Variants in RFC1 observed in about 807,000 individuals in gnomAD.
RFC1 encodes the protein replication factor C subunit 1.
A neutral mutation model predicts 137.4 loss-of-function variants in RFC1; 37 were observed. The observed-to-expected ratio is 0.27, with a 90% CI of 0.21 to 0.35. RFC1 has a LOEUF of 0.35. Among genes scored for constraint, RFC1 ranks in the 10% least tolerant of loss-of-function variants. The pLI, the probability that RFC1 is intolerant of heterozygous loss-of-function variation, is 1.00. For synonymous variants in RFC1, 429 were observed against 455.7 expected, an observed-to-expected ratio of 0.94 and a Z score of 0.75; for missense variants, 1,205 against 1,358.5, an observed-to-expected ratio of 0.89 and a Z score of 1.78.
In RFC1 at chr4:39,302,799, G is replaced by A. The variant is rs1241292836; in HGVS notation, c.2278C>T (p.Arg760Cys). The A allele has an allele frequency of 3.1e-6, 5 of 1,605,226 alleles. No individual in the cohort carries two copies. The highest frequency in any genetic ancestry group is 4.5e-5 in the East Asian group (2 of 44,830). Residue 760 changes from arginine to cysteine, a missense_variant, in exon 17 of 25, where the codon CGC becomes TGC. Transcript: ENST00000349703. ...TCAAAACAATAATGAACCAGAGAGC[G>A]AATCTTGGGATGATTTCTATCATTG... ...MCNDRNHPKIRSLVHYCFDLR... is the reference protein window; with the variant it reads ...MCNDRNHPKICSLVHYCFDLR...
In RFC1 at chr4:39,302,576, G is replaced by A; in HGVS notation, c.2360C>T (p.Ala787Val). 2 of 1,609,374 alleles carry A rather than the reference G, an allele frequency of 1.2e-6. No individual in the cohort carries two copies. The highest frequency in any genetic ancestry group is 1.7e-6 in the Non-Finnish European group (2 of 1,176,546). The change falls in exon 18 of 25, where the codon GCA becomes GTA. Residue 787 changes from alanine to valine, a missense_variant. Transcript: ENST00000349703. ...EQIKGAMMSI[A>V]FKEGLKIPPP... is the part of the protein sequence containing the mutation. ...GGGAATCTTTAAACCTTCTTTAAAT[G>A]CAATAGACATCATAGCACCCTGAAA...
chr4:39,345,234 C>A (rs1430203077), intron 3 of RFC1, among the ~76,000 whole-genome samples, 167 bp downstream of exon 3: 1 of 152,092 alleles, frequency 6.6e-6, no homozygotes, highest in African/African-American at 2.4e-5. Context: ...AGGCTGGTCT[C>A]GAACTCCTGA....
intron 4 of RFC1, among the ~76,000 whole-genome samples, chr4:39,327,968 CA>C (rs1224272204): frequency 6.6e-6 from 1 of 151,902 alleles, no homozygotes; most frequent in South Asian, 2.1e-4. Context: ...TCCTTCTCTT[CA>C]AAAAAATTAA....
At position 39,342,403 on chromosome 4, in the gene RFC1, T is replaced by A; in HGVS notation, c.273A>T (p.Val91=). The change falls in exon 4 of 25, where the codon GTA becomes GTT. Residue 91 remains valine (V), a synonymous_variant. Transcript: ENST00000349703. ...NAKKPPEKLP[V]SSKPGKISRQ... The stretch of plus-strand genomic sequence containing the variant: ...GTGAAATTTTACCAGGTTTAGAAGA[T>A]ACTGGCAGTTTTTCTGGTGGCTTTT... 3 of 1,613,644 alleles carry A rather than the reference T, an allele frequency of 1.9e-6. No homozygotes were observed. In the South Asian group the frequency reaches 3.3e-5, roughly 18 times the overall value.
At chr4:39,317,059 AC>A (rs1288107872) in intron 9 of RFC1, 37 bp from the exon 10 acceptor site, 2 of 1,347,744 alleles carry the variant, frequency 1.5e-6, no homozygotes, top group African/African-American at 1.4e-5. Context: ...ACAAAGTCAT[AC>A]AGAATTCATG....
chr4:39,356,539 A>G (rs1192571312), intron 1 of RFC1, among the ~76,000 whole-genome samples: 1 of 152,250 alleles, frequency 6.6e-6, no homozygotes, highest in African/African-American at 2.4e-5. Context: ...ATGTATTAAA[A>G]GAATCTTTTA....
At chr4:39,309,319 T>C (rs972884251) in intron 12 of RFC1, among the ~76,000 whole-genome samples, 3 of 152,122 alleles carry the variant, frequency 2.0e-5, no homozygotes, top group African/African-American at 7.2e-5. Context: ...CAAGGTACAG[T>C]GTTGAGATTT....
At chr4:39,344,643 T>C (rs1250634064) in intron 3 of RFC1, among the ~76,000 whole-genome samples, 1 of 152,104 alleles carries the variant, frequency 6.6e-6, no homozygotes, top group Non-Finnish European at 1.5e-5. Context: ...AAAAATTAGC[T>C]AGATGTGGTG....
chr4:39,358,408 G>A (rs1310745319), intron 1 of RFC1, among the ~76,000 whole-genome samples: 2 of 152,196 alleles, frequency 1.3e-5, no homozygotes, highest in Non-Finnish European at 2.9e-5. Flanking sequence ...TGCGAGAGAT[G>A]TTTTTATACC....
At chr4:39,365,775 A>AT (rs1242726289) in intron 1 of RFC1, among the ~76,000 whole-genome samples, 1 of 152,174 alleles carries the variant, frequency 6.6e-6, no homozygotes, top group Non-Finnish European at 1.5e-5. Flanking sequence ...TGAGCTGTTA[A>AT]TGATAAAAGT....
chr4:39,345,576 A>G, intron 2 of RFC1, 100 bp from the exon 3 acceptor site: 1 of 899,968 alleles, frequency 1.1e-6, no homozygotes, highest in Non-Finnish European at 1.7e-6. Context: ...GCTGGAGCGC[A>G]GTGGCACGAT....
chr4:39,288,680 G>GA lies in RFC1; in HGVS notation c.*80dup, dbSNP rs373571397. 538 of 884,448 alleles carry GA rather than the reference G, an allele frequency of 6.1e-4. 3 individuals are homozygous for GA. The African/African-American group carries it at 8.4e-3, about 14-fold the overall frequency. The allele number at this position is 884,448 out of a possible 1,614,324, so 54.8% of individuals were successfully genotyped here. A position where few individuals can be genotyped will look rare whatever the true frequency, so the allele number is the denominator to read the frequency against. ...TTATGCTAAAACATGGTTGCTCTGGGAAAAAACAAGGCTTTCTCTAGACCA... is the reference window on the plus strand; with the variant it reads ...TTATGCTAAAACATGGTTGCTCTGGGAAAAAAACAAGGCTTTCTCTAGACCA... On this transcript the variant is annotated 3_prime_UTR_variant, in exon 25 of 25. Transcript: ENST00000349703.
At position 39,302,544 on chromosome 4, in the gene RFC1, C is replaced by T. The variant is rs769341933; in HGVS notation, c.2392G>A (p.Ala798Thr). ...GCTCCCAAAATTATTTCATTCATAG[C>T]TGGAGGGGGAATCTTTAAACCTTCT... is the stretch of plus-strand genomic sequence containing the variant. ...FKEGLKIPPP[A>T]MNEIILGANQ... The change falls in exon 18 of 25, where the codon GCT (alanine) becomes ACT (threonine). Residue 798 changes from alanine to threonine, a missense_variant. Ala to Thr is a moderately conservative substitution (Grantham distance 58). Around this residue, in one of 3 missense-constraint regions of RFC1, gnomAD observed 962 missense variants for 1,035.3 expected, o/e 0.93. Transcript: ENST00000349703. The T allele has an allele frequency of 1.2e-6, 2 of 1,611,894 alleles. No homozygotes were observed. Among genetic ancestry groups the T allele is most frequent in the South Asian group, 1.1e-5 (1 of 90,806 alleles).
At chr4:39,342,220 A>G (rs1578156044) in intron 4 of RFC1, 125 bp downstream of exon 4, 7 of 1,111,546 alleles carry the variant, frequency 6.3e-6, no homozygotes, top group Non-Finnish European at 8.6e-6. Flanking sequence ...CCTGACAAAT[A>G]TAACTCAACA....
At chr4:39,324,161 A>T (rs929730983) in intron 6 of RFC1, among the ~76,000 whole-genome samples, 3 of 152,224 alleles carry the variant, frequency 2.0e-5, no homozygotes, top group African/African-American at 4.8e-5. Flanking sequence ...GATATTCAAT[A>T]AAAAACACCC....
intron 1 of RFC1, among the ~76,000 whole-genome samples, chr4:39,355,406 C>T (rs945991400): frequency 1.3e-5 from 2 of 151,716 alleles, no homozygotes; most frequent in Non-Finnish European, 2.9e-5. Context: ...GTACTCCAGC[C>T]TGGGCAACAG....
chr4:39,317,875 G>A (rs1260658611), intron 9 of RFC1: 2 of 152,166 alleles, frequency 1.3e-5, no homozygotes, highest in African/African-American at 2.4e-5. Flanking sequence ...AAGAAATGGC[G>A]GCCGGCTGCA....
At chr4:39,320,157 C>T (rs1239420533) in intron 9 of RFC1, among the ~76,000 whole-genome samples, 1 of 152,050 alleles carries the variant, frequency 6.6e-6, no homozygotes, top group Non-Finnish European at 1.5e-5. Flanking sequence ...CAAGACCAGC[C>T]TGACCAACAT....
chr4:39,307,680 C>T (rs965574392), intron 13 of RFC1, among the ~76,000 whole-genome samples: 15 of 151,984 alleles, frequency 9.9e-5, no homozygotes, highest in Non-Finnish European at 2.1e-4. Flanking sequence ...CGCACCACTG[C>T]ACTCCAGCCT....
Sources: allele counts gnomAD v4.1 joint callset (sites outside exome capture counted in the v4.1 genomes callset), GRCh38; gene constraint gnomAD v4.1.1; regional missense constraint gnomAD v4.1.1; transcripts MANE v1.5; gene names NCBI Gene and HGNC (gene_info 2026-07-23, HGNC 2026-07-21).